The following FHIT variants were observed in gnomAD, a reference collection of about 807,000 sequenced individuals.
FHIT encodes bis(5'-adenosyl)-triphosphatase.
Under a neutral mutation model 17.9 loss-of-function variants are expected in FHIT, and 19 were observed. The observed-to-expected ratio is 1.06, with a 90% confidence interval of 0.74 to 1.56. FHIT has a LOEUF of 1.56. Among genes scored for constraint, FHIT ranks in the 40% most tolerant of loss-of-function variants. The pLI, the probability that FHIT is intolerant of heterozygous loss-of-function variation, is 0.00. For missense variants in FHIT, 248 were observed against 189.2 expected, an observed-to-expected ratio of 1.31 and a Z score of -1.82; for synonymous variants, 81 against 69.7, an observed-to-expected ratio of 1.16 and a Z score of -0.81.
At chr3:60,166,622 T>A (rs1202023152) in intron 5 of FHIT, among the ~76,000 whole-genome samples, 1 of 152,102 alleles carries the variant, frequency 6.6e-6, no homozygotes, top group Non-Finnish European at 1.5e-5. Context: ...CAAAGATGAA[T>A]CCCAGCAATC....
intron 5 of FHIT, among the ~76,000 whole-genome samples, chr3:60,457,322 A>C (rs1024855001): frequency 5.9e-5 from 9 of 152,148 alleles, no homozygotes; most frequent in South Asian, 4.1e-4. Context: ...CAAAAACAAG[A>C]AATGGGGAAA....
At chr3:59,777,402 C>T (rs915145680) in intron 8 of FHIT, among the ~76,000 whole-genome samples, 7 of 152,006 alleles carry the variant, frequency 4.6e-5, no homozygotes, top group Non-Finnish European at 7.4e-5. Context: ...TGACTTGTAA[C>T]TCTCCTACCC....
intron 5 of FHIT, among the ~76,000 whole-genome samples, chr3:60,062,711 T>C (rs1387989002): frequency 6.6e-6 from 1 of 152,194 alleles, no homozygotes; most frequent in African/African-American, 2.4e-5. Flanking sequence ...AAATGTTCTT[T>C]GTAAGGGAGA....
intron 5 of FHIT, among the ~76,000 whole-genome samples, chr3:60,509,577 T>A (rs2034865962): frequency 6.6e-6 from 1 of 151,662 alleles, no homozygotes; most frequent in African/African-American, 2.4e-5. Flanking sequence ...TGCCTTAGCC[T>A]ACCACTTAGA....
At chr3:59,968,803 T>A (rs560434359) in intron 7 of FHIT, among the ~76,000 whole-genome samples, 87 of 152,320 alleles carry the variant, frequency 5.7e-4, no homozygotes, top group African/African-American at 1.9e-3. Flanking sequence ...GCGCTTGCTG[T>A]CAAATGCTTT....
intron 4 of FHIT, among the ~76,000 whole-genome samples, chr3:60,678,760 C>T (rs782139059): frequency 3.9e-4 from 59 of 152,064 alleles, no homozygotes; most frequent in Non-Finnish European, 6.9e-4. Context: ...CTAATTTTGT[C>T]CCAAGAGTGG....
intron 8 of FHIT, among the ~76,000 whole-genome samples, chr3:59,809,131 T>G (rs959372558): frequency 1.3e-5 from 2 of 152,138 alleles, no homozygotes; most frequent in African/African-American, 4.8e-5. Flanking sequence ...TTGAAGAGTG[T>G]GCTCTCCAAA....
intron 4 of FHIT, among the ~76,000 whole-genome samples, chr3:60,670,417 C>T (rs1357430254): frequency 6.6e-6 from 1 of 152,188 alleles, no homozygotes. Flanking sequence ...CTTTATTTCT[C>T]AGTGTCTCCT....
chr3:60,992,803 T>C (rs1190018770), intron 3 of FHIT, among the ~76,000 whole-genome samples: 2 of 152,206 alleles, frequency 1.3e-5, no homozygotes, highest in Non-Finnish European at 2.9e-5. Context: ...CTCAAGTACC[T>C]GTGTGCTCTA....
intron 5 of FHIT, among the ~76,000 whole-genome samples, chr3:60,182,430 T>G (rs942393602): frequency 3.3e-5 from 5 of 152,118 alleles, no homozygotes; most frequent in African/African-American, 1.2e-4. Context: ...TCATATTAGG[T>G]TGCATCTAGT....
At chr3:60,714,721 T>C (rs1466736778) in intron 4 of FHIT, among the ~76,000 whole-genome samples, 3 of 152,050 alleles carry the variant, frequency 2.0e-5, no homozygotes, top group Non-Finnish European at 4.4e-5. Flanking sequence ...GGAATCCAAC[T>C]TACAAGGGAC....
chr3:60,762,294 T>A (rs1553720215), intron 4 of FHIT, among the ~76,000 whole-genome samples: 1 of 152,066 alleles, frequency 6.6e-6, no homozygotes, highest in African/African-American at 2.4e-5. Context: ...AAGATATCGG[T>A]TGATCAATAA....
intron 5 of FHIT, among the ~76,000 whole-genome samples, chr3:60,270,937 C>G (rs933183003): frequency 6.6e-6 from 1 of 152,152 alleles, no homozygotes; most frequent in Non-Finnish European, 1.5e-5. Context: ...TAAAAGACAA[C>G]TTTCAAAGGT....
intron 5 of FHIT, among the ~76,000 whole-genome samples, chr3:60,415,639 A>G (rs546649895): frequency 1.3e-5 from 2 of 151,926 alleles, no homozygotes; most frequent in Admixed American, 6.6e-5. Context: ...AGTCTTGTCC[A>G]CTGATATTAC....
At chr3:60,097,849 T>C (rs1440500084) in intron 5 of FHIT, among the ~76,000 whole-genome samples, 5 of 144,278 alleles carry the variant, frequency 3.5e-5, no homozygotes, top group African/African-American at 1.3e-4. Flanking sequence ...TATCTCCTAA[T>C]GCTATCCCTC....
At chr3:60,723,875 C>T (rs567147846) in intron 4 of FHIT, among the ~76,000 whole-genome samples, 1 of 152,302 alleles carries the variant, frequency 6.6e-6, no homozygotes, top group South Asian at 2.1e-4. Flanking sequence ...TCCAAGTCCT[C>T]ACAGAATTTA....
chr3:60,532,617 A>G (rs573270482), intron 5 of FHIT, among the ~76,000 whole-genome samples: 4 of 152,344 alleles, frequency 2.6e-5, no homozygotes, highest in African/African-American at 9.6e-5. Flanking sequence ...ACATTCTGAC[A>G]TATTCTTCTA....
chr3:60,838,578 T>G (rs1386034552), intron 3 of FHIT, among the ~76,000 whole-genome samples: 1 of 152,206 alleles, frequency 6.6e-6, no homozygotes, highest in Non-Finnish European at 1.5e-5. Context: ...TGAGGATATT[T>G]TCACAGGCAA....
At chr3:60,088,430 G>A (rs558467741) in intron 5 of FHIT, among the ~76,000 whole-genome samples, 19 of 152,228 alleles carry the variant, frequency 1.2e-4, no homozygotes, top group African/African-American at 4.6e-4. Context: ...CGGCCATGCT[G>A]CTTACTTCTT....
Sources: gnomAD v4.1 joint callset for allele counts (sites outside exome capture counted in the v4.1 genomes callset) on GRCh38, gnomAD v4.1.1 for gene constraint, MANE v1.5 for transcripts, NCBI Gene and HGNC (gene_info 2026-07-23, HGNC 2026-07-21) for gene names.